Variants in ARHGAP10 observed in about 807,000 individuals in gnomAD.
ARHGAP10 encodes rho GTPase-activating protein 10.
A neutral mutation model predicts 108.6 loss-of-function variants in ARHGAP10; 87 were observed. That is an observed-to-expected ratio of 0.80 (90% CI 0.67 to 0.96). ARHGAP10 has a LOEUF of 0.96. ARHGAP10 is among the 40% of genes least tolerant of loss of function. ARHGAP10 has a pLI of 0.00. For missense variants in ARHGAP10, 939 were observed against 954.5 expected (o/e 0.98, Z 0.21); for synonymous variants, 347 against 341.1 (o/e 1.02, Z -0.19).
At chr4:147,876,453 C>T (rs779943372) in intron 8 of ARHGAP10, among the ~76,000 whole-genome samples, 1 of 151,926 alleles carries the variant, frequency 6.6e-6, no homozygotes, top group Non-Finnish European at 1.5e-5. Flanking sequence ...ATCAGCAGGG[C>T]GTAGTGGCGG....
intron 20 of ARHGAP10, among the ~76,000 whole-genome samples, chr4:148,047,998 G>T (rs974796233): frequency 2.6e-5 from 4 of 151,876 alleles, no homozygotes; most frequent in African/African-American, 9.7e-5. Flanking sequence ...AATTTTTATA[G>T]TTTTAGTAGA....
In ARHGAP10 at chr4:147,785,434, C is replaced by T. The variant is rs143455450; in HGVS notation, c.155-37293C>T. Among the ~76,000 whole-genome samples, 24 of 152,146 alleles carry T rather than the reference C, an allele frequency of 1.6e-4. No individual in the cohort carries two copies. The East Asian group carries it at 2.9e-3, about 18-fold the overall frequency. ...GCATAAGTGAAAGCTGTATTGTGCC[C>T]GTCAGATCAATAGTGTGTAACTTTT... On this transcript the variant is annotated intron_variant, in intron 1 of 22. Transcript: ENST00000336498.
intron 10 of ARHGAP10, among the ~76,000 whole-genome samples, chr4:147,902,495 A>C (rs1435036340): frequency 6.6e-6 from 1 of 152,166 alleles, no homozygotes; most frequent in Non-Finnish European, 1.5e-5. Context: ...TAGGAGGCCG[A>C]GGTGGGCCGA....
intron 8 of ARHGAP10, among the ~76,000 whole-genome samples, chr4:147,875,872 C>G (rs1160257420): frequency 2.6e-5 from 4 of 152,204 alleles, no homozygotes; most frequent in African/African-American, 4.8e-5. Context: ...ATTTTAACAG[C>G]TAAGTTCTTA....
chr4:147,911,591 T>C (rs1003648685), intron 12 of ARHGAP10, among the ~76,000 whole-genome samples: 24 of 152,194 alleles, frequency 1.6e-4, no homozygotes, highest in Admixed American at 5.9e-4. Context: ...CTTGATCTCC[T>C]GACTTCGTGA....
At chr4:148,049,445 G>A (rs978736101) in intron 20 of ARHGAP10, among the ~76,000 whole-genome samples, 14 of 152,180 alleles carry the variant, frequency 9.2e-5, no homozygotes, top group African/African-American at 3.1e-4. Flanking sequence ...TTCTAGGGTC[G>A]TGCGTTGCTG....
At chr4:147,906,831 A>G in intron 11 of ARHGAP10, 112 bp downstream of exon 11, 1 of 1,274,588 alleles carries the variant, frequency 7.8e-7, no homozygotes, top group Non-Finnish European at 1.1e-6. Context: ...TATAACAGGT[A>G]TTCCAAAAAT....
chr4:147,784,831 A>AATATATATTATAAAATATATATTATAAAT lies in ARHGAP10; in HGVS notation c.155-37890_155-37889insATTATAAAATATATATTATAAATATATAT, dbSNP rs70958585. 1.1e-4 allele frequency among the ~76,000 whole-genome samples: 6 copies of AATATATATTATAAAATATATATTATAAAT among 54,240 alleles called. 1 individual carries two copies. Among genetic ancestry groups the AATATATATTATAAAATATATATTATAAAT allele is most frequent in the Non-Finnish European group, 8.8e-5 (3 of 34,050 alleles). 35.6% of individuals were successfully genotyped at this position (54,240 alleles called of 152,430 possible). ...AATATATTATAAAATATATATTATAAATATATTATAAAATATATATTATAA... is the reference window on the plus strand; with the variant it reads ...AATATATTATAAAATATATATTATAAATATATATTATAAAATATATATTATAAATATATATTATAAAATATATATTATAA... On this transcript the variant is annotated intron_variant, in intron 1 of 22. Transcript: ENST00000336498.
chr4:147,748,995 ACTTTT>A (rs1729041446), intron 1 of ARHGAP10, among the ~76,000 whole-genome samples: 1 of 22,340 alleles, frequency 4.5e-5, no homozygotes, highest in South Asian at 4.6e-3. Flanking sequence ...ACATAAGATA[ACTTTT>A]ACTTTTGAAA....
intron 15 of ARHGAP10, among the ~76,000 whole-genome samples, chr4:147,951,094 A>G (rs1341372295): frequency 6.6e-6 from 1 of 152,192 alleles, no homozygotes; most frequent in Admixed American, 6.5e-5. Flanking sequence ...TGCTTCCCTA[A>G]TGTTAACAAT....
At chr4:147,753,518 G>GTT (rs11449935) in intron 1 of ARHGAP10, among the ~76,000 whole-genome samples, 81 of 139,124 alleles carry the variant, frequency 5.8e-4, no homozygotes, top group Middle Eastern at 3.7e-3. Flanking sequence ...TAATTTTTTG[G>GTT]TTTTTTTTTT....
At chr4:147,874,064 T>C (rs925765320) in intron 7 of ARHGAP10, among the ~76,000 whole-genome samples, 25 of 152,070 alleles carry the variant, frequency 1.6e-4, no homozygotes, top group Middle Eastern at 3.2e-3. Flanking sequence ...AGGTTTTCCC[T>C]TTTACAATCT....
At chr4:147,939,427 C>T (rs1199290224) in intron 13 of ARHGAP10, among the ~76,000 whole-genome samples, 2 of 152,160 alleles carry the variant, frequency 1.3e-5, no homozygotes, top group Non-Finnish European at 2.9e-5. Flanking sequence ...ACAATGATTT[C>T]TATGTACTAA....
At chr4:148,068,505 T>C (rs77160448) in intron 22 of ARHGAP10, among the ~76,000 whole-genome samples, 2 of 152,230 alleles carry the variant, frequency 1.3e-5, no homozygotes, top group East Asian at 1.9e-4. Context: ...GAAAAAAATA[T>C]CGAGTGAAAA....
intron 11 of ARHGAP10, among the ~76,000 whole-genome samples, chr4:147,908,363 G>A (rs895665244): frequency 6.6e-6 from 1 of 152,184 alleles, no homozygotes; most frequent in Non-Finnish European, 1.5e-5. Flanking sequence ...TGGAAAGTCA[G>A]TTTGCGTAGC....
At chr4:147,758,033 T>C in intron 1 of ARHGAP10, among the ~76,000 whole-genome samples, 1 of 152,174 alleles carries the variant, frequency 6.6e-6, no homozygotes, top group East Asian at 1.9e-4. Flanking sequence ...ATAAAGGAAC[T>C]GTTTTCCACC....
At chr4:147,980,466 T>C (rs556582725) in intron 18 of ARHGAP10, among the ~76,000 whole-genome samples, 2 of 152,334 alleles carry the variant, frequency 1.3e-5, no homozygotes, top group South Asian at 4.1e-4. Flanking sequence ...TTTTTGCATC[T>C]GTGTTCATTG....
At position 147,798,198 on chromosome 4, in the gene ARHGAP10, A is replaced by T. The variant is rs575314183; in HGVS notation, c.155-24529A>T. ...AGCTTTATTTAAATGTAGTGTGTGG[A>T]CCGTTTGTTGTGACCTTCTTTGAAA... On this transcript the variant is annotated intron_variant, in intron 1 of 22. Coordinates refer to ENST00000336498, the MANE Select transcript of ARHGAP10 (RefSeq NM_024605.4). Among the ~76,000 whole-genome samples the T allele has an allele frequency of 2.1e-3, 323 of 150,700 alleles. 1 individual carries two copies. Among genetic ancestry groups the T allele is most frequent in the African/African-American group, 7.3e-3 (301 of 41,000 alleles).
chr4:148,064,318 T>C, intron 21 of ARHGAP10, 98 bp from the exon 22 acceptor site: 1 of 924,152 alleles, frequency 1.1e-6, no homozygotes, highest in East Asian at 2.5e-5. Flanking sequence ...GCCCTACTGG[T>C]GACATCAGTG....
Sources: gnomAD v4.1 joint callset for allele counts (sites outside exome capture counted in the v4.1 genomes callset) on GRCh38, gnomAD v4.1.1 for gene constraint, MANE v1.5 for transcripts, NCBI Gene and HGNC (gene_info 2026-07-23, HGNC 2026-07-21) for gene names.